RB1CC1: variants seen among roughly 807,000 people sequenced by gnomAD.
RB1CC1 encodes RB1 inducible coiled-coil 1.
In RB1CC1, 46 loss-of-function variants were observed where a neutral mutation model predicts 177.5. The ratio of observed to expected loss-of-function variants is 0.26; its 90% CI spans 0.20 to 0.33. The LOEUF is 0.33. Ranked by LOEUF, RB1CC1 falls within the 10% of genes least tolerant of loss-of-function variation. RB1CC1 has a pLI of 1.00. For missense variants in RB1CC1, 1,703 were observed against 1,816.3 expected, an observed-to-expected ratio of 0.94 and a Z score of 1.13; for synonymous variants, 666 against 613.6, an observed-to-expected ratio of 1.09 and a Z score of -1.26.
chr8:52,656,223 T>C lies in RB1CC1; in HGVS notation c.3606A>G (p.Glu1202=). The part of the protein sequence containing the change: ...RQKDEKITQQ[E]EKYEAIIQNL... ...TCTGGATAATAGCTTCGTATTTCTC[T>C]TCTTGTTGGGTAATTTTTTCATCTT... The change falls in exon 15 of 24, where the codon GAA becomes GAG. Residue 1202 remains glutamate (E), a synonymous_variant. Transcript: ENST00000025008. 1.2e-6 allele frequency: 2 copies of C among 1,613,472 alleles called. No individual in the cohort carries two copies. The highest frequency in any genetic ancestry group is 1.7e-6 in the Non-Finnish European group (2 of 1,179,842).
chr8:52,666,466 C>T (rs1852076359), intron 8 of RB1CC1, among the ~76,000 whole-genome samples: 1 of 150,518 alleles, frequency 6.6e-6, no homozygotes, highest in Admixed American at 6.6e-5. Flanking sequence ...TGCAGTGAGA[C>T]GAGATAGCGC....
At position 52,642,772 on chromosome 8, in the gene RB1CC1, T is replaced by C; in HGVS notation, c.4028A>G (p.Lys1343Arg). The change falls in exon 17 of 24, where the codon AAA becomes AGA. Residue 1343 changes from lysine (K) to arginine (R), a missense_variant. Around this residue, in one of 6 missense-constraint regions of RB1CC1, gnomAD observed 1,169 missense variants for 1,184.7 expected, o/e 0.99. Coordinates refer to ENST00000025008, the MANE Select transcript of RB1CC1 (RefSeq NM_014781.5). ...NTVLTREKMR[K>R]ENIINDLSDK... Reference sequence around the variant, plus strand: ...ACTAAGATCATTTATTATGTTTTCTTTTCTCATTTTCTCTCTTGTTAAAAC... The same window carrying C: ...ACTAAGATCATTTATTATGTTTTCTCTTCTCATTTTCTCTCTTGTTAAAAC... The C allele has an allele frequency of 8.9e-6, 14 of 1,573,222 alleles. No homozygotes were observed. The highest frequency in any genetic ancestry group is 1.4e-5 in the African/African-American group (1 of 72,742).
intron 15 of RB1CC1, among the ~76,000 whole-genome samples, chr8:52,649,145 T>C (rs942392994): frequency 6.6e-6 from 1 of 152,146 alleles, no homozygotes; most frequent in Non-Finnish European, 1.5e-5. Flanking sequence ...CAAGAGGGAA[T>C]GACTGTATTT....
At position 52,676,474 on chromosome 8, in the gene RB1CC1, T is replaced by G; in HGVS notation, c.467A>C (p.Asn156Thr). ...GTATGAATTTGAACAGTCCTCCAGG[T>G]TGGCCATGATTGCAGCCCAGCCTTG... ...QHQGWAAIMA[N>T]LEDCSNSYQK... Residue 156 changes from asparagine to threonine, a missense_variant, in exon 6 of 24, where the codon AAC (asparagine) becomes ACC (threonine). This residue lies in a region of RB1CC1 where 315 missense variants were observed against 304.9 expected (regional missense o/e 1.03). Coordinates refer to ENST00000025008, the MANE Select transcript of RB1CC1 (RefSeq NM_014781.5). 6.2e-7 allele frequency: 1 copy of G among 1,613,448 alleles called. No individual in the cohort carries two copies. The highest frequency in any genetic ancestry group is 1.1e-5 in the South Asian group (1 of 90,944).
rs1852781024 is a variant in RB1CC1 at position 52,673,390 on chromosome 8, A to G, written c.1002+455T>C. Among the ~76,000 whole-genome samples, 3 of 152,352 alleles carry G rather than the reference A, an allele frequency of 2.0e-5. No homozygotes were observed. In the South Asian group the frequency reaches 6.2e-4, roughly 32 times the overall value. ...TATAACTATAAAACACAACTAAAAA[A>G]TACAGTGTCTACGTTTCGAATTTTA... On this transcript the variant is annotated intron_variant, in intron 7 of 23. Coordinates refer to ENST00000025008, the MANE Select transcript of RB1CC1 (RefSeq NM_014781.5).
In RB1CC1 at chr8:52,668,165, A is replaced by C; in HGVS notation, c.1029T>G (p.Phe343Leu). 2 of 1,613,900 alleles carry C rather than the reference A, an allele frequency of 1.2e-6. No homozygotes were observed. Among genetic ancestry groups the C allele is most frequent in the Non-Finnish European group, 1.7e-6 (2 of 1,179,964 alleles). The change falls in exon 8 of 24, where the codon TTT (phenylalanine) becomes TTG (leucine). Residue 343 changes from phenylalanine (F) to leucine (L), a missense_variant. Phe to Leu is a conservative substitution (Grantham distance 22). Coordinates refer to ENST00000025008, the MANE Select transcript of RB1CC1 (RefSeq NM_014781.5). ...CAATAGTTTGACGGCATTCTGCTAT[A>C]AATGGTCGAATAATCCTTGGATCAA... ...SRLDPRIIRP[F>L]IAECRQTIAK... is the part of the protein sequence containing the mutation.
In RB1CC1 at chr8:52,660,597, CA is replaced by C. The variant is rs1443137945; in HGVS notation, c.1687del (p.Cys563ValfsTer17). ...RGLDSWPPSF[C>X]TQKPRKFDCE... is the part of the protein sequence containing the mutation. ...CATGGTTAGAAAATAAATACATACA[CA>C]AAAGGAAGGGGGCCAGGAGTCCAGT... On this transcript the variant is annotated frameshift_variant and splice_region_variant, in exon 12 of 24. Coordinates refer to ENST00000025008, the MANE Select transcript of RB1CC1 (RefSeq NM_014781.5). LOFTEE classifies it high-confidence loss of function. 6.3e-7 allele frequency: 1 copy of C among 1,584,034 alleles called. No individual in the cohort carries two copies. Among genetic ancestry groups the C allele is most frequent in the African/African-American group, 1.4e-5 (1 of 72,780 alleles).
chr8:52,645,610 T>C, intron 16 of RB1CC1, 92 bp downstream of exon 16: 3 of 1,295,686 alleles, frequency 2.3e-6, no homozygotes, highest in African/African-American at 1.5e-5. Context: ...ATCTAAGATA[T>C]AAGAAACCCT....
At chr8:52,648,059 T>C (rs756855625) in intron 15 of RB1CC1, among the ~76,000 whole-genome samples, 5 of 152,088 alleles carry the variant, frequency 3.3e-5, no homozygotes, top group Non-Finnish European at 7.4e-5. Context: ...GTCAGTGCTG[T>C]GCTGAGATAA....
chr8:52,629,909 C>G (rs1848642149), intron 21 of RB1CC1, among the ~76,000 whole-genome samples: 1 of 152,092 alleles, frequency 6.6e-6, no homozygotes, highest in Admixed American at 6.6e-5. Context: ...TGTATGAAAC[C>G]AAGTTTCCCC....
In RB1CC1 at chr8:52,684,632, TA is replaced by T. The variant is rs1591080468; in HGVS notation, c.72-620del. Among the ~76,000 whole-genome samples, 7 of 152,292 alleles carry T rather than the reference TA, an allele frequency of 4.6e-5. No homozygotes were observed. The East Asian group carries it at 1.4e-3, about 29-fold the overall frequency. On this transcript the variant is annotated intron_variant, in intron 3 of 23. Coordinates refer to ENST00000025008, the MANE Select transcript of RB1CC1 (RefSeq NM_014781.5). ...TCCCACTAAATTTGGATGAAAATAT[TA>T]AATTTATCTTTTCTCTCCTTAACAA...
At chr8:52,632,761 C>A (rs373277613) in intron 20 of RB1CC1, among the ~76,000 whole-genome samples, 2 of 152,162 alleles carry the variant, frequency 1.3e-5, no homozygotes, top group African/African-American at 2.4e-5. Context: ...AGCAAACCTG[C>A]CTCCCATTTT....
At chr8:52,688,928 C>T (rs962625250) in intron 1 of RB1CC1, among the ~76,000 whole-genome samples, 3 of 152,078 alleles carry the variant, frequency 2.0e-5, no homozygotes, top group Non-Finnish European at 4.4e-5. Flanking sequence ...GGGTGGGTTC[C>T]CCCAATAGGA....
At chr8:52,696,374 G>C (rs1369209870) in intron 1 of RB1CC1, among the ~76,000 whole-genome samples, 2 of 152,202 alleles carry the variant, frequency 1.3e-5, no homozygotes, top group Non-Finnish European at 2.9e-5. Flanking sequence ...CTTTGGAGAA[G>C]TGGCTAATGC....
intron 13 of RB1CC1, 50 bp downstream of exon 13, chr8:52,658,823 T>C (rs757110377): frequency 7.5e-7 from 1 of 1,336,536 alleles, no homozygotes; most frequent in Non-Finnish European, 1.0e-6. Flanking sequence ...TCCAGAATAA[T>C]AAAAACATTT....
chr8:52,641,138 C>G (rs1849534737), intron 18 of RB1CC1, among the ~76,000 whole-genome samples: 1 of 152,024 alleles, frequency 6.6e-6, no homozygotes, highest in Non-Finnish European at 1.5e-5. Context: ...AATCCCAGCA[C>G]TTTGGGAGGC....
chr8:52,673,815 CAA>C (rs760271122), intron 7 of RB1CC1, 28 bp downstream of exon 7: 8 of 1,547,762 alleles, frequency 5.2e-6, no homozygotes, highest in Middle Eastern at 1.8e-4. Flanking sequence ...AGTAAAATGA[CAA>C]AACAAACATC....
rs1395395202 is a variant in RB1CC1, at chr8:52,676,405, A to G, written c.536T>C (p.Leu179Pro). 1 of 1,612,102 alleles carries G rather than the reference A, an allele frequency of 6.2e-7. No homozygotes were observed. The stretch of plus-strand genomic sequence containing the variant: ...TAACTTGATGTCTTCTATGGACTGC[A>G]GATAATTTGAATAAATACTTTCAAA... ...FKFESIYSNY[L>P]QSIEDIKLKL... Residue 179 changes from leucine (L) to proline (P), a missense_variant, in exon 6 of 24, where the codon CTG becomes CCG. Transcript: ENST00000025008.
Position 52,703,117 on chromosome 8 carries a change from T to TA in RB1CC1, c.-167+10957dup, listed in dbSNP as rs1010819567. Among the ~76,000 whole-genome samples, 491 of 145,456 alleles carry TA rather than the reference T, an allele frequency of 3.4e-3. 3 individuals carry two copies. Among genetic ancestry groups the TA allele is most frequent in the African/African-American group, 9.8e-3 (390 of 39,856 alleles). On this transcript the variant is annotated intron_variant, in intron 1 of 23. Transcript: ENST00000025008. ...CCAATGTGTTCCCAGTATCTTATAT[T>TA]AAAAAAAAAAAAGTAATCAACTTGG...
Sources: gnomAD v4.1 joint callset for allele counts (sites outside exome capture counted in the v4.1 genomes callset) on GRCh38, gnomAD v4.1.1 for gene constraint, gnomAD v4.1.1 regional missense constraint, MANE v1.5 for transcripts, NCBI Gene and HGNC (gene_info 2026-07-23, HGNC 2026-07-21) for gene names.